Variants in BRWD1 observed in about 807,000 individuals in gnomAD.
BRWD1 encodes the protein bromodomain and WD repeat-containing protein 1.
BRWD1 carries 82 observed loss-of-function variants against 251.2 expected under a neutral mutation model. That is an observed-to-expected ratio of 0.33 (90% CI 0.27 to 0.39). The LOEUF (loss-of-function observed/expected upper bound fraction) is 0.39. Ranked by LOEUF, BRWD1 falls within the 10% of genes least tolerant of loss-of-function variation. The pLI is 1.00. For missense variants in BRWD1, 2,233 were observed against 2,711.6 expected, an observed-to-expected ratio of 0.82 and a Z score of 3.92; for synonymous variants, 918 against 902.8, an observed-to-expected ratio of 1.02 and a Z score of -0.30.
chr21:39,207,907 A>G (rs1167072548), intron 36 of BRWD1, among the ~76,000 whole-genome samples: 1 of 152,246 alleles, frequency 6.6e-6, no homozygotes, highest in Non-Finnish European at 1.5e-5. Flanking sequence ...GACACAAAGG[A>G]CAAATATGGT....
At chr21:39,231,982 A>G (rs2033633248) in intron 25 of BRWD1, among the ~76,000 whole-genome samples, 195 bp downstream of exon 25, 1 of 152,202 alleles carries the variant, frequency 6.6e-6, no homozygotes, top group Non-Finnish European at 1.5e-5. Context: ...CACACCAATC[A>G]GCAACATACA....
intron 29 of BRWD1, 23 bp downstream of exon 29, chr21:39,224,385 C>A (rs2033300039): frequency 6.9e-7 from 1 of 1,441,644 alleles, no homozygotes; most frequent in Non-Finnish European, 9.5e-7. Flanking sequence ...AAAATGTTTT[C>A]ATTATTTAAC....
At position 39,204,409 on chromosome 21, in the gene BRWD1, T is replaced by C. The variant is rs928550329; in HGVS notation, c.4364+1699A>G. Reference sequence around the variant, plus strand: ...ATTGCACAACTCAATTTTTATACTGTAACAACATAAAGTACCTATAAATGT... The same window carrying C: ...ATTGCACAACTCAATTTTTATACTGCAACAACATAAAGTACCTATAAATGT... On this transcript the variant is annotated intron_variant, in intron 37 of 40. Coordinates refer to ENST00000342449, the MANE Select transcript of BRWD1 (RefSeq NM_033656.4). Among the ~76,000 whole-genome samples the C allele has an allele frequency of 4.6e-5, 7 of 152,142 alleles. No individual in the cohort carries two copies. In the South Asian group the frequency reaches 1.4e-3, roughly 31 times the overall value.
intron 21 of BRWD1, 87 bp from the exon 22 acceptor site, chr21:39,238,660 T>C (rs1178845536): frequency 9.8e-6 from 8 of 816,938 alleles, no homozygotes; most frequent in South Asian, 7.7e-5. Context: ...TCCTCCCCAG[T>C]AAGATTAAAT....
In BRWD1 at chr21:39,295,763, T is replaced by C; in HGVS notation, c.589A>G (p.Thr197Ala). 1 of 1,604,124 alleles carries C rather than the reference T, an allele frequency of 6.2e-7. No individual in the cohort carries two copies. The highest frequency in any genetic ancestry group is 8.5e-7 in the Non-Finnish European group (1 of 1,174,400). ...CTCACTGTAAAGATTCTATGTCCTG[T>C]CCTATCAAATGCTACACAGTAAACA... ...SAVYCVAFDR[T>A]GHRIFTGSDD... The change falls in exon 7 of 41, where the codon ACA (threonine) becomes GCA (alanine). Residue 197 changes from threonine (T) to alanine (A), a missense_variant. By Grantham distance (58) the Thr-to-Ala change is moderately conservative (BLOSUM62 0). Transcript: ENST00000342449.
At chr21:39,257,013 T>C (rs2034581699) in intron 18 of BRWD1, among the ~76,000 whole-genome samples, 1 of 152,196 alleles carries the variant, frequency 6.6e-6, no homozygotes, top group Non-Finnish European at 1.5e-5. Flanking sequence ...AGAAACATTT[T>C]TGAACTGAGA....
upstream of BRWD1, chr21:39,313,779 G>T: frequency 2.6e-6 from 1 of 387,388 alleles, no homozygotes; most frequent in Non-Finnish European, 4.7e-6. Flanking sequence ...CTCTGCCTCC[G>T]GGGACTCGAT....
At chr21:39,262,509 G>A (rs142062594) in intron 17 of BRWD1, among the ~76,000 whole-genome samples, 2 of 152,166 alleles carry the variant, frequency 1.3e-5, no homozygotes, top group African/African-American at 2.4e-5. Context: ...GAGGTCAAGA[G>A]ATCGAGACCA....
chr21:39,247,550 G>T, intron 21 of BRWD1, 151 bp downstream of exon 21: 1 of 852,682 alleles, frequency 1.2e-6, no homozygotes, highest in Non-Finnish European at 1.7e-6. Flanking sequence ...GCCATTAAAA[G>T]TTTTTGTTAA....
intron 8 of BRWD1, among the ~76,000 whole-genome samples, chr21:39,288,259 T>C (rs1211378505): frequency 1.3e-5 from 2 of 152,176 alleles, no homozygotes; most frequent in African/African-American, 2.4e-5. Context: ...TATTTCATTA[T>C]GTTGTAGTGT....
In BRWD1 at chr21:39,255,716, A is replaced by C; in HGVS notation, c.2184T>G (p.Ile728Met). 2 of 1,614,200 alleles carry C rather than the reference A, an allele frequency of 1.2e-6. No homozygotes were observed. The highest frequency in any genetic ancestry group is 1.7e-6 in the Non-Finnish European group (2 of 1,180,026). The change falls in exon 19 of 41, where the codon ATT becomes ATG. Residue 728 changes from isoleucine (I) to methionine (M), a missense_variant. Coordinates refer to ENST00000342449, the MANE Select transcript of BRWD1 (RefSeq NM_033656.4). ...QMHQNAPRSQIATERDLQAWK... is the reference protein window; with the variant it reads ...QMHQNAPRSQMATERDLQAWK... ...AAGCCTGCAGGTCACGTTCTGTAGC[A>C]ATCTGACTGCGTGGAGCGTTTTGAT...
At chr21:39,279,351 C>G (rs1358177683) in intron 9 of BRWD1, among the ~76,000 whole-genome samples, 1 of 152,076 alleles carries the variant, frequency 6.6e-6, no homozygotes, top group African/African-American at 2.4e-5. Context: ...GCTTAATTTT[C>G]TAACAGGCCA....
chr21:39,251,470 C>T (rs972083733), intron 19 of BRWD1, among the ~76,000 whole-genome samples: 8 of 152,052 alleles, frequency 5.3e-5, no homozygotes, highest in Non-Finnish European at 1.0e-4. Flanking sequence ...ATTAAAAACA[C>T]GTGGCTTTTA....
chr21:39,201,178 A>AG (rs2032092428), intron 38 of BRWD1, among the ~76,000 whole-genome samples: 2 of 152,234 alleles, frequency 1.3e-5, no homozygotes, highest in African/African-American at 2.4e-5. Context: ...ACACGAGAGA[A>AG]AGAGTGTGAG....
chr21:39,317,905 C>T (rs1341283572), upstream of BRWD1, among the ~76,000 whole-genome samples: 4 of 152,148 alleles, frequency 2.6e-5, no homozygotes, highest in East Asian at 7.7e-4. Flanking sequence ...AAAACTTAGT[C>T]CATGCATGGT....
chr21:39,185,863 G>A lies in BRWD1; in HGVS notation c.*10396C>T, dbSNP rs761108948. ...AACAACTTAATTTTTCCAGTAACAC[G>A]TTACTATGTTAAAAAGATGCGACAG... On this transcript the variant is annotated 3_prime_UTR_variant, in exon 41 of 41. Transcript: ENST00000342449. The A allele has an allele frequency of 2.0e-5, 3 of 152,096 alleles. No homozygotes were observed. Among genetic ancestry groups the A allele is most frequent in the Admixed American group, 1.3e-4 (2 of 15,274 alleles). 9.4% of individuals were successfully genotyped at this position (152,096 alleles called of 1,614,324 possible). A position where few individuals can be genotyped will look rare whatever the true frequency, so the allele number is the denominator to read the frequency against.
chr21:39,279,855 G>T (rs1034032448), intron 9 of BRWD1, among the ~76,000 whole-genome samples: 1 of 151,928 alleles, frequency 6.6e-6, no homozygotes, highest in Non-Finnish European at 1.5e-5. Flanking sequence ...ACTCTCAAAT[G>T]TTCCTGCCTG....
At chr21:39,221,437 A>T (rs771476695) in intron 29 of BRWD1, among the ~76,000 whole-genome samples, 5 of 152,204 alleles carry the variant, frequency 3.3e-5, no homozygotes, top group South Asian at 2.1e-4. Context: ...ATATGTAACA[A>T]ATTTTACACT....
intron 8 of BRWD1, among the ~76,000 whole-genome samples, chr21:39,290,807 A>G (rs2035786982): frequency 2.6e-5 from 4 of 152,182 alleles, no homozygotes; most frequent in Admixed American, 2.6e-4. Context: ...TAAGTACACA[A>G]ACCAAAAATC....
Sources: gnomAD v4.1 joint callset for allele counts (sites outside exome capture counted in the v4.1 genomes callset) on GRCh38, gnomAD v4.1.1 for gene constraint, MANE v1.5 for transcripts, NCBI Gene and HGNC (gene_info 2026-07-23, HGNC 2026-07-21) for gene names.